Variants in LDB2 observed in about 807,000 individuals in gnomAD.
The protein encoded by LDB2 is LIM domain binding 2, also known as LIM domain-binding protein 2.
LDB2 carries 12 observed loss-of-function variants against 44.3 expected under a neutral mutation model. The ratio of observed to expected loss-of-function variants is 0.27; its 90% confidence interval spans 0.17 to 0.44. The LOEUF is 0.44. Ranked by LOEUF, LDB2 falls within the 20% of genes least tolerant of loss-of-function variation. The pLI, the probability that LDB2 is intolerant of heterozygous loss-of-function variation, is 1.00. For synonymous variants in LDB2, 164 were observed against 174.8 expected (o/e 0.94, Z 0.49); for missense variants, 344 against 473.5 (o/e 0.73, Z 2.54).
At position 16,725,299 on chromosome 4, in the gene LDB2, AAGAC is replaced by A. The variant is rs1326794963; in HGVS notation, c.235+33855_235+33858del. ...ACATATATACATCTGGAGAGAGAGA[AAGAC>A]AGAGAGAGAGAGAGATTGAATATGC... On this transcript the variant is annotated intron_variant, in intron 2 of 7. Coordinates refer to ENST00000304523, the MANE Select transcript of LDB2 (RefSeq NM_001290.5). Among the ~76,000 whole-genome samples, 10 of 152,058 alleles carry A rather than the reference AAGAC, an allele frequency of 6.6e-5. No homozygotes were observed. In the South Asian group the frequency reaches 1.7e-3, roughly 25 times the overall value.
chr4:16,510,583 A>G (rs1721356091), intron 6 of LDB2, among the ~76,000 whole-genome samples: 1 of 152,154 alleles, frequency 6.6e-6, no homozygotes, highest in Non-Finnish European at 1.5e-5. Context: ...GACTATTCCC[A>G]TTACCAGTAG....
intron 5 of LDB2, among the ~76,000 whole-genome samples, chr4:16,520,015 A>G (rs1267018619): frequency 6.6e-6 from 1 of 152,076 alleles, no homozygotes; most frequent in Non-Finnish European, 1.5e-5. Flanking sequence ...AAGAGTAGTA[A>G]TCAGGCCAAT....
intron 5 of LDB2, among the ~76,000 whole-genome samples, chr4:16,540,096 T>C (rs1448380367): frequency 6.6e-6 from 1 of 152,076 alleles, no homozygotes; most frequent in Non-Finnish European, 1.5e-5. Context: ...CCATACACTT[T>C]TAAACAATCA....
chr4:16,681,257 G>A (rs1339857629), intron 2 of LDB2, among the ~76,000 whole-genome samples: 4 of 152,230 alleles, frequency 2.6e-5, no homozygotes, highest in African/African-American at 7.2e-5. Context: ...TAAAGGGGAT[G>A]TGGGTGACCC....
chr4:16,654,372 G>A (rs1560770171), intron 2 of LDB2, among the ~76,000 whole-genome samples: 1 of 152,110 alleles, frequency 6.6e-6, no homozygotes, highest in Admixed American at 6.5e-5. Flanking sequence ...TAAGGCAGGG[G>A]AAAAATGATA....
intron 2 of LDB2, among the ~76,000 whole-genome samples, chr4:16,643,790 T>C (rs1263996469): frequency 6.6e-6 from 1 of 152,172 alleles, no homozygotes; most frequent in African/African-American, 2.4e-5. Flanking sequence ...AGTAATTAAA[T>C]GCATCTCACA....
intron 2 of LDB2, among the ~76,000 whole-genome samples, chr4:16,646,752 G>A (rs780264793): frequency 2.0e-5 from 3 of 152,088 alleles, no homozygotes; most frequent in Non-Finnish European, 2.9e-5. Context: ...ACCCCTGTAC[G>A]GGACCATCAA....
At chr4:16,556,593 G>A (rs1038247723) in intron 5 of LDB2, among the ~76,000 whole-genome samples, 8 of 152,164 alleles carry the variant, frequency 5.3e-5, no homozygotes, top group Non-Finnish European at 1.0e-4. Context: ...AGTCATTGCT[G>A]CAGCTAGAAA....
intron 1 of LDB2, among the ~76,000 whole-genome samples, chr4:16,871,059 A>C (rs1385114382): frequency 2.0e-5 from 3 of 152,172 alleles, no homozygotes; most frequent in African/African-American, 7.2e-5. Context: ...CTATTGCTAA[A>C]TTTTCAGAAA....
chr4:16,567,799 C>T (rs138810584), intron 5 of LDB2, among the ~76,000 whole-genome samples: 27 of 152,284 alleles, frequency 1.8e-4, no homozygotes, highest in African/African-American at 6.0e-4. Context: ...GTTTACATTT[C>T]AAGCATTTTT....
chr4:16,593,323 A>G (rs928077642), intron 3 of LDB2, among the ~76,000 whole-genome samples: 1 of 152,312 alleles, frequency 6.6e-6, no homozygotes, highest in Non-Finnish European at 1.5e-5. Flanking sequence ...TTTTCTTTGT[A>G]AAAAGGTCTG....
At chr4:16,620,184 C>T (rs1003127461) in intron 2 of LDB2, among the ~76,000 whole-genome samples, 2 of 152,172 alleles carry the variant, frequency 1.3e-5, no homozygotes, top group African/African-American at 4.8e-5. Flanking sequence ...AAAACAGTGC[C>T]TGGCAGAGTT....
At chr4:16,701,969 A>T (rs157622) in intron 2 of LDB2, among the ~76,000 whole-genome samples, 1 of 152,014 alleles carries the variant, frequency 6.6e-6, no homozygotes, top group African/African-American at 2.4e-5. Context: ...TACTGTGGCT[A>T]CTACTATTGC....
At chr4:16,731,247 A>G (rs961309029) in intron 2 of LDB2, among the ~76,000 whole-genome samples, 27 of 152,164 alleles carry the variant, frequency 1.8e-4, no homozygotes, top group African/African-American at 6.5e-4. Context: ...AATGGATTGG[A>G]TTGGATTGAA....
intron 5 of LDB2, among the ~76,000 whole-genome samples, chr4:16,517,902 G>GA (rs1577319644): frequency 6.6e-6 from 1 of 152,000 alleles, no homozygotes; most frequent in African/African-American, 2.4e-5. Context: ...TGGATGGATG[G>GA]ATGGATGGAT....
intron 2 of LDB2, among the ~76,000 whole-genome samples, chr4:16,622,230 T>G (rs1729093180): frequency 6.6e-6 from 1 of 152,152 alleles, no homozygotes; most frequent in Non-Finnish European, 1.5e-5. Context: ...CAACACTGAG[T>G]GCTTAGTTAG....
At chr4:16,693,063 A>G (rs1424888765) in intron 2 of LDB2, among the ~76,000 whole-genome samples, 1 of 152,232 alleles carries the variant, frequency 6.6e-6, no homozygotes, top group Non-Finnish European at 1.5e-5. Flanking sequence ...ATTCTCATAA[A>G]AGGCAAGCAA....
rs533911711 is a variant in LDB2, at chr4:16,851,431, T to G, written c.132+46923A>C. Among the ~76,000 whole-genome samples the G allele has an allele frequency of 1.4e-4, 21 of 152,016 alleles. No homozygotes were observed. The South Asian group carries it at 4.4e-3, about 32-fold the overall frequency. On this transcript the variant is annotated intron_variant, in intron 1 of 7. Transcript: ENST00000304523. Reference sequence around the variant, plus strand: ...GGCAATCACAATAGAAAGTCTCTACTAAAAGTATAAAAATTAGCCGGGCAT... The same window carrying G: ...GGCAATCACAATAGAAAGTCTCTACGAAAAGTATAAAAATTAGCCGGGCAT...
chr4:16,680,304 G>A (rs938018764), intron 2 of LDB2, among the ~76,000 whole-genome samples: 2 of 152,166 alleles, frequency 1.3e-5, no homozygotes, highest in African/African-American at 2.4e-5. Context: ...GCATGGCAGT[G>A]CAAACGAAGA....
Sources: gnomAD v4.1 joint callset for allele counts (sites outside exome capture counted in the v4.1 genomes callset) on GRCh38, gnomAD v4.1.1 for gene constraint, MANE v1.5 for transcripts, NCBI Gene and HGNC (gene_info 2026-07-23, HGNC 2026-07-21) for gene names.